Variants in CACNA2D1 observed in about 807,000 individuals in gnomAD.
The protein encoded by CACNA2D1 is calcium voltage-gated channel auxiliary subunit alpha2delta 1, also known as voltage-dependent calcium channel subunit alpha-2/delta-1.
A neutral mutation model predicts 171.5 loss-of-function variants in CACNA2D1; 53 were observed. The ratio of observed to expected loss-of-function variants is 0.31; its 90% CI spans 0.25 to 0.39. The LOEUF is 0.39. CACNA2D1 is among the 10% of genes least tolerant of loss of function. CACNA2D1 has a pLI of 1.00. For missense variants in CACNA2D1, 903 were observed against 1,299.8 expected (o/e 0.69, Z 4.69); for synonymous variants, 442 against 443.1 (o/e 1.00, Z 0.03).
At chr7:82,057,854 A>G (rs1339633548) in intron 10 of CACNA2D1, among the ~76,000 whole-genome samples, 1 of 152,144 alleles carries the variant, frequency 6.6e-6, no homozygotes, top group Non-Finnish European at 1.5e-5. Context: ...TATTAGAGGA[A>G]AGAAAAGATG....
At chr7:82,216,481 A>T (rs1262510539) in intron 3 of CACNA2D1, among the ~76,000 whole-genome samples, 1 of 152,202 alleles carries the variant, frequency 6.6e-6, no homozygotes, top group Non-Finnish European at 1.5e-5. Context: ...TTCTGGACAG[A>T]GTAATGACAA....
chr7:82,227,049 A>T (rs1802439196), intron 3 of CACNA2D1, among the ~76,000 whole-genome samples: 1 of 152,240 alleles, frequency 6.6e-6, no homozygotes, highest in Non-Finnish European at 1.5e-5. Context: ...TATGTTTTAA[A>T]ATCTTGGATA....
rs372978535 is a variant in CACNA2D1, at chr7:82,009,844, C to T, written c.1363-2088G>A. Reference sequence around the variant, plus strand: ...GAGAAATAAAACAAGATTTCTCTACCCTGGAATTTTAAAAATATTTTCTAG... The same window carrying T: ...GAGAAATAAAACAAGATTTCTCTACTCTGGAATTTTAAAAATATTTTCTAG... On this transcript the variant is annotated intron_variant, in intron 15 of 38. Coordinates refer to ENST00000356860, the MANE Select transcript of CACNA2D1 (RefSeq NM_000722.4). 1.4e-3 allele frequency among the ~76,000 whole-genome samples: 212 copies of T among 152,032 alleles called. 4 individuals carry two copies. The highest frequency in any genetic ancestry group is 5.0e-3 in the African/African-American group (207 of 41,504).
At chr7:82,215,294 T>C (rs888798523) in intron 3 of CACNA2D1, among the ~76,000 whole-genome samples, 25 of 152,234 alleles carry the variant, frequency 1.6e-4, no homozygotes, top group African/African-American at 5.8e-4. Context: ...GTCAGGGAGA[T>C]AGGTTTGAAG....
chr7:82,354,358 T>A (rs1273001473), intron 1 of CACNA2D1, among the ~76,000 whole-genome samples: 3 of 152,100 alleles, frequency 2.0e-5, no homozygotes, highest in Non-Finnish European at 4.4e-5. Context: ...GCTCCAGATA[T>A]TTTTTCTAGT....
intron 4 of CACNA2D1, among the ~76,000 whole-genome samples, chr7:82,154,671 TAA>T (rs572765948): frequency 1.8e-3 from 279 of 152,274 alleles, no homozygotes; most frequent in Non-Finnish European, 3.3e-3. Context: ...GTACTGAAAT[TAA>T]AGAGGTATAA....
At chr7:82,233,021 T>C (rs557500866) in intron 3 of CACNA2D1, among the ~76,000 whole-genome samples, 1 of 152,038 alleles carries the variant, frequency 6.6e-6, no homozygotes, top group Non-Finnish European at 1.5e-5. Context: ...CAAGCAGACG[T>C]GTCCAAACGT....
intron 10 of CACNA2D1, among the ~76,000 whole-genome samples, chr7:82,039,988 G>T (rs989363849): frequency 2.0e-5 from 3 of 152,168 alleles, no homozygotes; most frequent in African/African-American, 7.2e-5. Context: ...TAAGCCAAAT[G>T]TAAAATAATT....
At chr7:82,112,588 A>G (rs12533683) in intron 6 of CACNA2D1, among the ~76,000 whole-genome samples, 27,668 of 152,116 alleles carry the variant, frequency 0.18, 2,751 homozygotes, top group East Asian at 0.34. Flanking sequence ...TATCAGATCT[A>G]TGGATTTAGC....
At chr7:82,310,719 T>C (rs1437818119) in intron 3 of CACNA2D1, among the ~76,000 whole-genome samples, 2 of 152,150 alleles carry the variant, frequency 1.3e-5, no homozygotes, top group African/African-American at 4.8e-5. Flanking sequence ...TTTAAATATT[T>C]GGAAAGTTTG....
intron 3 of CACNA2D1, among the ~76,000 whole-genome samples, chr7:82,309,119 G>A (rs1814095028): frequency 6.6e-6 from 1 of 152,072 alleles, no homozygotes; most frequent in African/African-American, 2.4e-5. Context: ...AAAATTGTTG[G>A]TAAAGGCCAG....
At chr7:82,386,906 TATA>T (rs975571017) in intron 1 of CACNA2D1, among the ~76,000 whole-genome samples, 5 of 151,976 alleles carry the variant, frequency 3.3e-5, no homozygotes, top group Non-Finnish European at 7.4e-5. Flanking sequence ...AAAAATATAC[TATA>T]ATAATTTAGC....
intron 3 of CACNA2D1, among the ~76,000 whole-genome samples, chr7:82,240,077 T>C (rs1368377201): frequency 1.3e-5 from 2 of 152,146 alleles, no homozygotes; most frequent in Non-Finnish European, 2.9e-5. Flanking sequence ...AGAACAGTTA[T>C]GAACTACAAT....
At chr7:82,136,250 G>T (rs1791587771) in intron 5 of CACNA2D1, among the ~76,000 whole-genome samples, 1 of 152,148 alleles carries the variant, frequency 6.6e-6, no homozygotes, top group Admixed American at 6.6e-5. Flanking sequence ...TCTCCCTGGT[G>T]TGCAAAGTTT....
At chr7:82,307,575 T>C (rs1246222267) in intron 3 of CACNA2D1, among the ~76,000 whole-genome samples, 1 of 151,486 alleles carries the variant, frequency 6.6e-6, no homozygotes, top group East Asian at 1.9e-4. Flanking sequence ...TAGTTTGAAG[T>C]TTTGTAACTT....
At chr7:82,423,073 T>G (rs1454742918) in intron 1 of CACNA2D1, among the ~76,000 whole-genome samples, 1 of 152,160 alleles carries the variant, frequency 6.6e-6, no homozygotes, top group Non-Finnish European at 1.5e-5. Context: ...ATATATTGTT[T>G]AATTCTGGAT....
rs531976653 is a variant in CACNA2D1, at chr7:82,376,104, A to G, written c.96-26455T>C. Among the ~76,000 whole-genome samples, 4 of 152,336 alleles carry G rather than the reference A, an allele frequency of 2.6e-5. No individual in the cohort carries two copies. In the East Asian group the frequency reaches 7.7e-4, roughly 29 times the overall value. ...CAAAAAAAAATCTGCCTGGTGTCCA[A>G]TTCATCAGCCTGGGAGATGGGTAAG... is the stretch of plus-strand genomic sequence containing the variant. On this transcript the variant is annotated intron_variant, in intron 1 of 38. Coordinates refer to ENST00000356860, the MANE Select transcript of CACNA2D1 (RefSeq NM_000722.4).
At chr7:82,394,297 AAAG>A (rs961737879) in intron 1 of CACNA2D1, among the ~76,000 whole-genome samples, 12 of 152,324 alleles carry the variant, frequency 7.9e-5, no homozygotes, top group African/African-American at 2.9e-4. Context: ...CAAAAAGGAA[AAAG>A]AAGAAAGAGA....
At chr7:82,167,299 G>A (rs1795554300) in intron 4 of CACNA2D1, among the ~76,000 whole-genome samples, 1 of 151,820 alleles carries the variant, frequency 6.6e-6, no homozygotes, top group Non-Finnish European at 1.5e-5. Context: ...CAATTGTTTT[G>A]TGTGCTTTCA....
Sources: gnomAD v4.1 joint callset for allele counts (sites outside exome capture counted in the v4.1 genomes callset) on GRCh38, gnomAD v4.1.1 for gene constraint, MANE v1.5 for transcripts, NCBI Gene and HGNC (gene_info 2026-07-23, HGNC 2026-07-21) for gene names.